MICAL3: variants seen among roughly 807,000 people sequenced by gnomAD.
MICAL3 encodes microtubule associated monooxygenase, calponin and LIM domain containing 3.
In MICAL3, 62 loss-of-function variants were observed where a neutral mutation model predicts 207.4. The observed-to-expected ratio is 0.30, with a 90% CI of 0.24 to 0.37. MICAL3 has a LOEUF of 0.37. Among genes scored for constraint, MICAL3 ranks in the 10% least tolerant of loss-of-function variants. The probability of loss-of-function intolerance (pLI) is 1.00; values close to 1 mark genes in which losing one functional copy is unlikely to be tolerated. For synonymous variants in MICAL3, 1,077 were observed against 1,069.3 expected (o/e 1.01, Z -0.14); for missense variants, 2,368 against 2,635.6 (o/e 0.90, Z 2.22).
chr22:17,953,266 C>T (rs945534749), intron 1 of MICAL3, among the ~76,000 whole-genome samples: 3 of 152,152 alleles, frequency 2.0e-5, no homozygotes, highest in Non-Finnish European at 1.5e-5. Flanking sequence ...TAATAAATTA[C>T]CCCACTAAAA....
chr22:17,889,351 G>A (rs1331191084), intron 12 of MICAL3, 121 bp from the exon 13 acceptor site: 22 of 654,128 alleles, frequency 3.4e-5, no homozygotes, highest in Non-Finnish European at 4.8e-5. Flanking sequence ...GCTGTGCATC[G>A]CTGACATTTG....
intron 1 of MICAL3, among the ~76,000 whole-genome samples, chr22:18,021,632 G>T (rs1924483526): frequency 6.6e-6 from 1 of 152,224 alleles, no homozygotes; most frequent in South Asian, 2.1e-4. Context: ...TGCTTGGAGG[G>T]AGTGGGGCAT....
At chr22:17,904,412 G>A (rs1470361055) in intron 3 of MICAL3, among the ~76,000 whole-genome samples, 2 of 152,168 alleles carry the variant, frequency 1.3e-5, no homozygotes, top group Non-Finnish European at 2.9e-5. Context: ...CATTTCACAG[G>A]TTATCGATAC....
intron 1 of MICAL3, chr22:17,980,813 A>T: frequency 2.0e-6 from 1 of 497,756 alleles, no homozygotes; most frequent in Non-Finnish European, 4.3e-6. Flanking sequence ...CCTCTGCCTC[A>T]GCCTCGCCCA....
intron 1 of MICAL3, among the ~76,000 whole-genome samples, chr22:17,982,592 A>G (rs995677810): frequency 6.6e-6 from 1 of 151,894 alleles, no homozygotes; most frequent in Non-Finnish European, 1.5e-5. Context: ...AATCGCTTGA[A>G]CCAAGGAGGC....
In MICAL3 at chr22:17,790,645, G is replaced by T. The variant is rs1441964144; in HGVS notation, c.*87C>A. On this transcript the variant is annotated 3_prime_UTR_variant, in exon 32 of 32. Coordinates refer to ENST00000441493, the MANE Select transcript of MICAL3 (RefSeq NM_015241.3). Reference sequence around the variant, plus strand: ...AGCGTAAACTCCAAGGAGGTGCCAGGCCTCCTCAGATCGCGGCTCCGGGTG... The same window carrying T: ...AGCGTAAACTCCAAGGAGGTGCCAGTCCTCCTCAGATCGCGGCTCCGGGTG... The T allele has an allele frequency of 4.8e-6, 6 of 1,244,780 alleles. No homozygotes were observed. Among genetic ancestry groups the T allele is most frequent in the Admixed American group, 4.8e-5 (2 of 41,796 alleles). The allele number at this position is 1,244,780 out of a possible 1,614,324, so 77.1% of individuals were successfully genotyped here.
chr22:17,857,277 C>T (rs957175089), intron 19 of MICAL3, among the ~76,000 whole-genome samples: 11 of 152,180 alleles, frequency 7.2e-5, no homozygotes, highest in East Asian at 1.9e-4. Context: ...GTCAGATCAG[C>T]GGTGGCGGCA....
intron 18 of MICAL3, 26 bp downstream of exon 18, chr22:17,865,898 C>T (rs1406575729): frequency 2.5e-6 from 4 of 1,584,776 alleles, no homozygotes; most frequent in Admixed American, 1.7e-5. Flanking sequence ...CTGCTTCTCC[C>T]CCACTTACAG....
chr22:17,816,879 G>T, intron 26 of MICAL3, 95 bp from the exon 27 acceptor site: 1 of 900,536 alleles, frequency 1.1e-6, no homozygotes, highest in Non-Finnish European at 1.7e-6. Context: ...AGGAGGCCGG[G>T]TGGGGGGCTG....
At chr22:17,952,372 C>T (rs569351251) in intron 1 of MICAL3, among the ~76,000 whole-genome samples, 1 of 152,274 alleles carries the variant, frequency 6.6e-6, no homozygotes, top group African/African-American at 2.4e-5. Context: ...AGCATCCAGC[C>T]CACGGGCCTG....
chr22:17,917,997 C>T (rs1406345138), intron 1 of MICAL3, among the ~76,000 whole-genome samples: 2 of 152,214 alleles, frequency 1.3e-5, no homozygotes, highest in East Asian at 1.9e-4. Context: ...CACAGCATGC[C>T]GCCCACCCGG....
Position 17,818,741 on chromosome 22 carries a change from CTGTCCTTGG to C in MICAL3, c.3911_3919del (p.Thr1304_Asp1306del). On this transcript the variant is annotated inframe_deletion, in exon 26 of 32. Coordinates refer to ENST00000441493, the MANE Select transcript of MICAL3 (RefSeq NM_015241.3). ...ATCCACAGCAAGGGGGCTGCCCAGT[CTGTCCTTGG>C]TGTCACTTTGGCTTTGGACAGGGAG... The C allele has an allele frequency of 6.2e-7, 1 of 1,607,146 alleles. No individual in the cohort carries two copies. Among genetic ancestry groups the C allele is most frequent in the East Asian group, 2.2e-5 (1 of 44,718 alleles).
At position 17,796,687 on chromosome 22, in the gene MICAL3, G is replaced by A. The variant is rs535916312; in HGVS notation, c.5651-5386C>T. 6.6e-6 allele frequency among the ~76,000 whole-genome samples: 1 copy of A among 152,356 alleles called. No homozygotes were observed. The highest frequency in any genetic ancestry group is 2.1e-4 in the South Asian group (1 of 4,830). On this transcript the variant is annotated intron_variant, in intron 29 of 31. Coordinates refer to ENST00000441493, the MANE Select transcript of MICAL3 (RefSeq NM_015241.3). The surrounding 1 kb of genome is among the most constrained non-coding windows in gnomAD (Gnocchi z 4.4). ...AATGTCACACCTGGAAGGGAGGCCC[G>A]ATGTCCCTTCCTGCCTCGTCTTCTG...
At chr22:18,023,535 GGA>G (rs1924614080) in intron 1 of MICAL3, among the ~76,000 whole-genome samples, 1 of 152,256 alleles carries the variant, frequency 6.6e-6, no homozygotes, top group African/African-American at 2.4e-5. Context: ...GGCACGGAGA[GGA>G]CTTGACACAC....
intron 7 of MICAL3, among the ~76,000 whole-genome samples, chr22:17,897,422 CAAAAA>C (rs71754131): frequency 4.8e-5 from 2 of 41,796 alleles, no homozygotes; most frequent in Non-Finnish European, 9.3e-5. Flanking sequence ...GACTCCAACT[CAAAAA>C]AAAAAAAAAA....
At chr22:17,822,924 G>C (rs774804239) in intron 23 of MICAL3, 23 bp downstream of exon 23, 5 of 1,491,150 alleles carry the variant, frequency 3.4e-6, no homozygotes, top group Non-Finnish European at 4.7e-6. Context: ...CCCACCACAG[G>C]GGCGGGGAGG....
At chr22:17,975,513 C>T (rs144796358) in intron 1 of MICAL3, among the ~76,000 whole-genome samples, 2 of 152,242 alleles carry the variant, frequency 1.3e-5, no homozygotes, top group African/African-American at 4.8e-5. Flanking sequence ...ATGCCCCACA[C>T]CCAGCCCCCC....
intron 29 of MICAL3, among the ~76,000 whole-genome samples, chr22:17,791,907 G>A (rs1028645496): frequency 6.6e-6 from 1 of 152,230 alleles, no homozygotes; most frequent in Non-Finnish European, 1.5e-5. Context: ...GTCGATGCAG[G>A]GCATCTCAGG....
intron 1 of MICAL3, among the ~76,000 whole-genome samples, chr22:17,975,316 C>G (rs1259627104): frequency 2.6e-5 from 4 of 152,038 alleles, no homozygotes; most frequent in African/African-American, 9.7e-5. Context: ...TAGAAAGTCA[C>G]CCAAGGATCT....
Sources: allele counts gnomAD v4.1 joint callset (sites outside exome capture counted in the v4.1 genomes callset), GRCh38; gene constraint gnomAD v4.1.1; non-coding constraint Gnocchi (gnomAD v3.1); transcripts MANE v1.5; gene names NCBI Gene and HGNC (gene_info 2026-07-23, HGNC 2026-07-21).